DDX10: variants seen among roughly 807,000 people sequenced by gnomAD.
DDX10 encodes the protein probable ATP-dependent RNA helicase DDX10.
Under a neutral mutation model 104.3 loss-of-function variants are expected in DDX10, and 74 were observed. That is an observed-to-expected ratio of 0.71 (90% CI 0.59 to 0.86). The LOEUF is 0.86. DDX10 is among the 40% of genes least tolerant of loss of function. The pLI is 0.00. For synonymous variants in DDX10, 351 were observed against 353.4 expected (o/e 0.99, Z 0.08); for missense variants, 952 against 1,040.0 (o/e 0.92, Z 1.16).
In DDX10 at chr11:108,926,139, A is replaced by AT. The variant is rs959115859; in HGVS notation, c.2450+8133dup. On this transcript the variant is annotated intron_variant, in intron 17 of 17. Transcript: ENST00000322536. The stretch of plus-strand genomic sequence containing the variant: ...ATAAACTCAACTTGTATGATGTTTA[A>AT]TTTTTTTTTTTTAAATCTGGGAGAA... 7.7e-3 allele frequency among the ~76,000 whole-genome samples: 1,151 copies of AT among 148,558 alleles called. 13 individuals are homozygous for AT. Among genetic ancestry groups the AT allele is most frequent in the African/African-American group, 0.024 (984 of 40,768 alleles).
chr11:108,680,823 A>G (rs1276060369), intron 6 of DDX10, among the ~76,000 whole-genome samples: 8 of 152,218 alleles, frequency 5.3e-5, no homozygotes, highest in African/African-American at 1.9e-4. Context: ...TATGTCTAGG[A>G]TTTAAAAAGC....
At chr11:108,707,986 A>G (rs143834148) in intron 10 of DDX10, among the ~76,000 whole-genome samples, 1,722 of 152,106 alleles carry the variant, frequency 0.011, 34 homozygotes, top group African/African-American at 0.039. Context: ...TAAGTTTTCA[A>G]CTCCTTTGGA....
At chr11:108,782,196 T>C (rs907433141) in intron 13 of DDX10, among the ~76,000 whole-genome samples, 1 of 152,220 alleles carries the variant, frequency 6.6e-6, no homozygotes, top group Non-Finnish European at 1.5e-5. Flanking sequence ...ACCATCTCTT[T>C]TCTTAGGTTT....
At chr11:108,776,201 A>T (rs748822588) in intron 13 of DDX10, among the ~76,000 whole-genome samples, 8 of 152,156 alleles carry the variant, frequency 5.3e-5, no homozygotes, top group Non-Finnish European at 1.0e-4. Flanking sequence ...TCAGACTCCA[A>T]ACTTTGTCTT....
intron 9 of DDX10, among the ~76,000 whole-genome samples, chr11:108,699,557 A>C (rs1442925738): frequency 6.6e-6 from 1 of 152,156 alleles, no homozygotes; most frequent in Non-Finnish European, 1.5e-5. Context: ...AACTGACCTC[A>C]TCAGAGAGGG....
chr11:108,775,603 T>C (rs2094368865), intron 13 of DDX10, among the ~76,000 whole-genome samples: 1 of 152,256 alleles, frequency 6.6e-6, no homozygotes. Flanking sequence ...TTTCTCACTT[T>C]GCTTCCTAAA....
intron 16 of DDX10, among the ~76,000 whole-genome samples, chr11:108,883,613 C>T (rs1414024622): frequency 6.6e-6 from 1 of 152,128 alleles, no homozygotes; most frequent in African/African-American, 2.4e-5. Context: ...ATTGATTTCC[C>T]TTTATAGTAA....
chr11:108,892,183 A>G (rs892891966), intron 16 of DDX10, among the ~76,000 whole-genome samples: 21 of 152,076 alleles, frequency 1.4e-4, no homozygotes, highest in African/African-American at 4.3e-4. Flanking sequence ...ATCCCTCATG[A>G]AAGGCTTGGT....
intron 17 of DDX10, among the ~76,000 whole-genome samples, chr11:108,936,144 A>C (rs1864034563): frequency 6.6e-6 from 1 of 152,192 alleles, no homozygotes; most frequent in South Asian, 2.1e-4. Context: ...CCTAAGTTGG[A>C]GATCAGGTTA....
chr11:108,913,756 G>A (rs1024311272), intron 16 of DDX10, among the ~76,000 whole-genome samples: 6 of 152,090 alleles, frequency 3.9e-5, no homozygotes, highest in African/African-American at 9.7e-5. Context: ...TTTTCTTACC[G>A]TATGTGGCTA....
At chr11:108,786,312 A>T (rs147703020) in intron 13 of DDX10, among the ~76,000 whole-genome samples, 55 of 152,296 alleles carry the variant, frequency 3.6e-4, no homozygotes, top group African/African-American at 1.2e-3. Flanking sequence ...GCACCTGAGA[A>T]CAATGTATAT....
intron 13 of DDX10, among the ~76,000 whole-genome samples, chr11:108,827,736 ACTT>A (rs1308551329): frequency 1.3e-5 from 2 of 152,076 alleles, no homozygotes; most frequent in African/African-American, 4.8e-5. Flanking sequence ...TCCAGCCGAA[ACTT>A]CTTCTCCTTT....
chr11:108,825,933 A>G (rs758427898), intron 13 of DDX10, among the ~76,000 whole-genome samples: 10 of 152,230 alleles, frequency 6.6e-5, no homozygotes, highest in Non-Finnish European at 1.2e-4. Context: ...AATTATCTAT[A>G]TGATATACAC....
chr11:108,759,257 T>TTATAGC (rs1370211707), intron 13 of DDX10, among the ~76,000 whole-genome samples: 2 of 152,114 alleles, frequency 1.3e-5, no homozygotes, highest in Non-Finnish European at 2.9e-5. Flanking sequence ...TTTCTTTTAC[T>TTATAGC]TATAGCTGTC....
chr11:108,741,464 T>C (rs1471507817), intron 13 of DDX10, among the ~76,000 whole-genome samples: 2 of 152,180 alleles, frequency 1.3e-5, no homozygotes, highest in Admixed American at 1.3e-4. Flanking sequence ...TTTGTTTGTG[T>C]CCTCTCTGAT....
chr11:108,876,541 T>G (rs757342271), intron 16 of DDX10, among the ~76,000 whole-genome samples: 1 of 152,170 alleles, frequency 6.6e-6, no homozygotes, highest in Non-Finnish European at 1.5e-5. Context: ...ACATTGACTT[T>G]TGAGACACAT....
intron 13 of DDX10, among the ~76,000 whole-genome samples, chr11:108,756,084 G>T (rs971288257): frequency 6.6e-6 from 1 of 151,856 alleles, no homozygotes; most frequent in Admixed American, 6.6e-5. Flanking sequence ...CTTATGCTTA[G>T]CTTCTGGCTA....
chr11:108,884,693 T>C (rs1415211347), intron 16 of DDX10, among the ~76,000 whole-genome samples: 1 of 152,234 alleles, frequency 6.6e-6, no homozygotes, highest in Non-Finnish European at 1.5e-5. Flanking sequence ...ATTGATCTTA[T>C]TGGTTCAGTT....
At chr11:108,665,646 A>G (rs2134430484) in intron 1 of DDX10, among the ~76,000 whole-genome samples, 1 of 152,250 alleles carries the variant, frequency 6.6e-6, no homozygotes, top group Non-Finnish European at 1.5e-5. Context: ...TGACACCTAC[A>G]TTTTTAAGCA....
Sources: allele counts gnomAD v4.1 joint callset (sites outside exome capture counted in the v4.1 genomes callset), GRCh38; gene constraint gnomAD v4.1.1; transcripts MANE v1.5; gene names NCBI Gene and HGNC (gene_info 2026-07-23, HGNC 2026-07-21).